The following FSTL5 variants were observed in gnomAD, a reference collection of about 807,000 sequenced individuals.
FSTL5 encodes the protein follistatin-related protein 5.
In FSTL5, 62 loss-of-function variants were observed where a neutral mutation model predicts 89.1. The observed-to-expected ratio is 0.70, with a 90% CI of 0.57 to 0.86. The LOEUF (loss-of-function observed/expected upper bound fraction) is 0.86. FSTL5 is among the 40% of genes least tolerant of loss of function. The pLI is 0.00. For missense variants in FSTL5, 1,057 were observed against 1,001.6 expected (o/e 1.06, Z -0.75); for synonymous variants, 383 against 346.2 (o/e 1.11, Z -1.18).
At chr4:161,542,080 T>G (rs1731836266) in intron 9 of FSTL5, among the ~76,000 whole-genome samples, 1 of 152,000 alleles carries the variant, frequency 6.6e-6, no homozygotes, top group African/African-American at 2.4e-5. Context: ...TAGTAACTTT[T>G]TGATATTCTT....
chr4:161,979,982 A>G (rs1735769046), intron 3 of FSTL5, among the ~76,000 whole-genome samples: 1 of 152,004 alleles, frequency 6.6e-6, no homozygotes, highest in East Asian at 1.9e-4. Flanking sequence ...TCTTCTATCT[A>G]AAGACCTAAA....
At chr4:162,132,944 T>A (rs1405368975) in intron 1 of FSTL5, among the ~76,000 whole-genome samples, 1 of 151,204 alleles carries the variant, frequency 6.6e-6, no homozygotes. Flanking sequence ...AGTAATGTAA[T>A]TTTTTTTTCT....
chr4:161,620,072 A>G (rs979961288), intron 7 of FSTL5, among the ~76,000 whole-genome samples: 2 of 151,688 alleles, frequency 1.3e-5, no homozygotes, highest in African/African-American at 4.8e-5. Context: ...CATCATTCTC[A>G]GTAAACTATC....
At chr4:161,465,203 A>T (rs2126422008) in intron 13 of FSTL5, among the ~76,000 whole-genome samples, 1 of 152,218 alleles carries the variant, frequency 6.6e-6, no homozygotes, top group Admixed American at 6.5e-5. Flanking sequence ...TAAGATTAAA[A>T]AATTGTGAAC....
intron 3 of FSTL5, among the ~76,000 whole-genome samples, chr4:161,983,984 A>G (rs13144406): frequency 0.33 from 49,889 of 151,896 alleles, 9,908 homozygotes; most frequent in Non-Finnish European, 0.43. Flanking sequence ...AAAATTTTAT[A>G]CAAAATTTCT....
chr4:161,596,800 G>T lies in FSTL5; in HGVS notation c.895-9225C>A, dbSNP rs187753083. On this transcript the variant is annotated intron_variant, in intron 7 of 15. Coordinates refer to ENST00000306100, the MANE Select transcript of FSTL5 (RefSeq NM_020116.5). ...GTCACTCTTGAAAAAGTTTTGAATG[G>T]AGTAAAATGAGCTGCAGGTATTTCT... 1.2e-4 allele frequency among the ~76,000 whole-genome samples: 19 copies of T among 152,242 alleles called. No homozygotes were observed. The East Asian group carries it at 3.5e-3, about 28-fold the overall frequency.
intron 1 of FSTL5, among the ~76,000 whole-genome samples, chr4:162,148,157 C>G (rs2111503382): frequency 6.6e-6 from 1 of 152,248 alleles, no homozygotes; most frequent in South Asian, 2.1e-4. Flanking sequence ...AATTTGATAT[C>G]TCCAACTAAT....
At chr4:161,505,460 G>A (rs112215335) in intron 11 of FSTL5, among the ~76,000 whole-genome samples, 5 of 152,198 alleles carry the variant, frequency 3.3e-5, no homozygotes, top group African/African-American at 9.6e-5. Context: ...AGTGGGTACC[G>A]TCTGACCACT....
At chr4:161,572,908 G>T (rs1364216397) in intron 8 of FSTL5, among the ~76,000 whole-genome samples, 3 of 152,152 alleles carry the variant, frequency 2.0e-5, no homozygotes, top group Non-Finnish European at 4.4e-5. Context: ...GCATTAAAAA[G>T]ACATAAATCC....
intron 3 of FSTL5, among the ~76,000 whole-genome samples, chr4:161,934,619 T>G (rs79334010): frequency 0.11 from 15,968 of 151,966 alleles, 903 homozygotes; most frequent in East Asian, 0.22. Context: ...TTGTGGGGTT[T>G]TTTTTCGTTC....
At chr4:161,848,036 C>CAAAAAAAAAA (rs139315536) in intron 4 of FSTL5, among the ~76,000 whole-genome samples, 24 of 48,216 alleles carry the variant, frequency 5.0e-4, no homozygotes, top group East Asian at 1.4e-3. Context: ...GACTCCGTCT[C>CAAAAAAAAAA]AAAAAAAAAA....
At chr4:161,750,373 G>A (rs1049710749) in intron 6 of FSTL5, among the ~76,000 whole-genome samples, 1 of 151,990 alleles carries the variant, frequency 6.6e-6, no homozygotes, top group Admixed American at 6.6e-5. Context: ...TATACACCAG[G>A]TTTCAAAGAC....
At chr4:161,876,044 T>A (rs928779881) in intron 4 of FSTL5, among the ~76,000 whole-genome samples, 1 of 152,142 alleles carries the variant, frequency 6.6e-6, no homozygotes. Flanking sequence ...ATAACAACAC[T>A]CATAAAGATG....
chr4:161,572,343 AAG>A (rs529266724), intron 8 of FSTL5, among the ~76,000 whole-genome samples: 32 of 124,526 alleles, frequency 2.6e-4, no homozygotes, highest in South Asian at 1.9e-3. Context: ...AAAAAAAAAA[AAG>A]AGAGAGAGAG....
chr4:162,012,309 T>A (rs1001108420), intron 3 of FSTL5, among the ~76,000 whole-genome samples: 1 of 152,186 alleles, frequency 6.6e-6, no homozygotes, highest in Non-Finnish European at 1.5e-5. Context: ...ATTTTGATAC[T>A]TTTTCAGCTG....
At position 161,585,934 on chromosome 4, in the gene FSTL5, T is replaced by A. The variant is rs1013309376; in HGVS notation, c.1015+1521A>T. On this transcript the variant is annotated intron_variant, in intron 8 of 15. Transcript: ENST00000306100. ...CATCTCGCCTGCTTTCTTCCCTGGT[T>A]TCATTGAAAGTTGGATTCAAAGACT... is the stretch of plus-strand genomic sequence containing the variant. Among the ~76,000 whole-genome samples the A allele has an allele frequency of 4.4e-4, 67 of 152,278 alleles. 1 individual carries two copies. The highest frequency in any genetic ancestry group is 1.6e-3 in the African/African-American group (67 of 41,562).
In FSTL5 at chr4:161,788,243, T is replaced by C. The variant is rs977106300; in HGVS notation, c.410-12169A>G. Among the ~76,000 whole-genome samples, 6 of 152,204 alleles carry C rather than the reference T, an allele frequency of 3.9e-5. No individual in the cohort carries two copies. The South Asian group carries it at 1.2e-3, about 31-fold the overall frequency. ...GTATATCCATCACTTTAAAAACATG[T>C]CATTTCTTTATGATGTGAACATTCA... is the stretch of plus-strand genomic sequence containing the variant. On this transcript the variant is annotated intron_variant, in intron 4 of 15. Coordinates refer to ENST00000306100, the MANE Select transcript of FSTL5 (RefSeq NM_020116.5).
chr4:161,446,138 C>A (rs1732937053), intron 15 of FSTL5, among the ~76,000 whole-genome samples: 1 of 151,950 alleles, frequency 6.6e-6, no homozygotes, highest in Non-Finnish European at 1.5e-5. Context: ...TTTACAGCCT[C>A]TGATCATTGT....
intron 2 of FSTL5, among the ~76,000 whole-genome samples, chr4:162,057,685 T>A (rs955667961): frequency 1.8e-4 from 28 of 152,220 alleles, no homozygotes; most frequent in African/African-American, 5.8e-4. Flanking sequence ...GGCTAATGCC[T>A]GTAATCCCAG....
Sources: allele counts gnomAD v4.1 joint callset (sites outside exome capture counted in the v4.1 genomes callset), GRCh38; gene constraint gnomAD v4.1.1; transcripts MANE v1.5; gene names NCBI Gene and HGNC (gene_info 2026-07-23, HGNC 2026-07-21).